The following SH3GLB1 variants were observed in gnomAD, a reference collection of about 807,000 sequenced individuals.
SH3GLB1 encodes SH3 domain containing GRB2 like, endophilin B1.
SH3GLB1 carries 17 observed loss-of-function variants against 42.0 expected under a neutral mutation model. That is an observed-to-expected ratio of 0.40 (90% CI 0.28 to 0.61). The LOEUF is 0.61. Ranked by LOEUF, SH3GLB1 falls within the 20% of genes least tolerant of loss-of-function variation. SH3GLB1 has a pLI of 0.36. For missense variants in SH3GLB1, 355 were observed against 426.3 expected, an observed-to-expected ratio of 0.83 and a Z score of 1.47; for synonymous variants, 132 against 146.6, an observed-to-expected ratio of 0.90 and a Z score of 0.72.
intron 1 of SH3GLB1, among the ~76,000 whole-genome samples, chr1:86,708,549 C>T (rs1334299829): frequency 6.6e-6 from 1 of 152,166 alleles, no homozygotes; most frequent in South Asian, 2.1e-4. Flanking sequence ...CTCCACTTCC[C>T]TCCTTTTAAA....
intron 2 of SH3GLB1, among the ~76,000 whole-genome samples, chr1:86,716,695 A>G (rs1654556938): frequency 6.6e-6 from 1 of 152,230 alleles, no homozygotes; most frequent in Non-Finnish European, 1.5e-5. Flanking sequence ...ATAATTGTTT[A>G]GTGAATGAAA....
At chr1:86,735,018 C>A in intron 6 of SH3GLB1, 61 bp from the exon 7 acceptor site, 1 of 1,248,478 alleles carries the variant, frequency 8.0e-7, no homozygotes, top group Non-Finnish European at 1.2e-6. Context: ...CTGTCTCCCC[C>A]TTGCATTTGC....
rs1170868088 is a variant in SH3GLB1 at position 86,715,663 on chromosome 1, G to A, written c.73-61G>A. The A allele has an allele frequency of 3.3e-6, 5 of 1,501,360 alleles. No homozygotes were observed. In the East Asian group the frequency reaches 1.2e-4, roughly 35 times the overall value. The allele number at this position is 1,501,360 out of a possible 1,614,324, so 93.0% of individuals were successfully genotyped here. A position where few individuals can be genotyped will look rare whatever the true frequency, so the allele number is the denominator to read the frequency against. On this transcript the variant is annotated intron_variant, in intron 1 of 8. Transcript: ENST00000370558. ...GCTTTGAATTTGCTTTTTACTTATTGATATGGTTCCCTAAAATTTATTTGC... is the reference window on the plus strand; with the variant it reads ...GCTTTGAATTTGCTTTTTACTTATTAATATGGTTCCCTAAAATTTATTTGC...
intron 5 of SH3GLB1, among the ~76,000 whole-genome samples, chr1:86,728,862 A>G (rs1655351465): frequency 6.6e-6 from 1 of 152,176 alleles, no homozygotes; most frequent in Non-Finnish European, 1.5e-5. Flanking sequence ...GCTGCTCAGT[A>G]GCTTCAAGAT....
Position 86,704,937 on chromosome 1 carries a change from C to T in SH3GLB1, c.38C>T (p.Ala13Val). Reference protein sequence around the residue: ...IMDFNVKKLAADAGTFLSRAV... With the variant: ...IMDFNVKKLAVDAGTFLSRAV... Reference sequence around the variant, plus strand: ...GACTTCAACGTGAAGAAGCTGGCGGCCGACGCAGGCACCTTCCTCAGTCGC... The same window carrying T: ...GACTTCAACGTGAAGAAGCTGGCGGTCGACGCAGGCACCTTCCTCAGTCGC... Residue 13 changes from alanine (A) to valine (V), a missense_variant, in exon 1 of 9, where the codon GCC becomes GTC. Transcript: ENST00000370558. 1 of 1,585,596 alleles carries T rather than the reference C, an allele frequency of 6.3e-7. No homozygotes were observed. The highest frequency in any genetic ancestry group is 8.6e-7 in the Non-Finnish European group (1 of 1,168,326).
chr1:86,719,791 C>G (rs989949196), intron 3 of SH3GLB1, among the ~76,000 whole-genome samples, 156 bp downstream of exon 3: 1 of 151,640 alleles, frequency 6.6e-6, no homozygotes, highest in Non-Finnish European at 1.5e-5. Flanking sequence ...GTCAGGAGAT[C>G]GAGACTATCC....
At position 86,738,232 on chromosome 1, in the gene SH3GLB1, G is replaced by A. The variant is rs1032294961; in HGVS notation, c.761+3053G>A. ...GTGGTCAGGTCCTGTGGGCCTGTGGGTGTTGTTTGTTTTTTGTTTGTTTGT... is the reference window on the plus strand; with the variant it reads ...GTGGTCAGGTCCTGTGGGCCTGTGGATGTTGTTTGTTTTTTGTTTGTTTGT... On this transcript the variant is annotated intron_variant, in intron 7 of 8. Transcript: ENST00000370558. 4.3e-5 allele frequency among the ~76,000 whole-genome samples: 6 copies of A among 138,394 alleles called. No individual in the cohort carries two copies. In the South Asian group the frequency reaches 1.3e-3, roughly 30 times the overall value. 90.8% of individuals were successfully genotyped at this position (138,394 alleles called of 152,430 possible). A position where few individuals can be genotyped will look rare whatever the true frequency, so the allele number is the denominator to read the frequency against.
intron 2 of SH3GLB1, among the ~76,000 whole-genome samples, chr1:86,716,784 C>T (rs938859334): frequency 3.3e-5 from 5 of 152,170 alleles, no homozygotes; most frequent in African/African-American, 1.2e-4. Context: ...GTATGAACAT[C>T]CAGTCTTTTC....
intron 3 of SH3GLB1, among the ~76,000 whole-genome samples, chr1:86,720,385 T>A (rs1654801771): frequency 6.6e-6 from 1 of 152,230 alleles, no homozygotes. Flanking sequence ...CCAAAAAATA[T>A]TAACAATTGT....
chr1:86,724,978 A>T (rs1655115844), intron 5 of SH3GLB1, among the ~76,000 whole-genome samples: 4 of 145,284 alleles, frequency 2.8e-5, no homozygotes, highest in Admixed American at 2.1e-4. Context: ...TATATATATA[A>T]AATATATATA....
At chr1:86,707,649 T>A (rs1440116461) in intron 1 of SH3GLB1, among the ~76,000 whole-genome samples, 1 of 149,904 alleles carries the variant, frequency 6.7e-6, no homozygotes, top group East Asian at 1.9e-4. Context: ...AGGGTATTTT[T>A]TTTTTTTTTT....
chr1:86,708,446 T>A (rs1654003443), intron 1 of SH3GLB1, among the ~76,000 whole-genome samples: 1 of 152,194 alleles, frequency 6.6e-6, no homozygotes, highest in Non-Finnish European at 1.5e-5. Context: ...TCCATTTTAC[T>A]TAAAAATTTC....
intron 4 of SH3GLB1, among the ~76,000 whole-genome samples, chr1:86,722,910 T>G (rs1322885195): frequency 6.6e-6 from 1 of 152,186 alleles, no homozygotes; most frequent in Non-Finnish European, 1.5e-5. Context: ...TTTCATTCAT[T>G]ACCAACGCTA....
At chr1:86,727,927 A>G (rs997509846) in intron 5 of SH3GLB1, among the ~76,000 whole-genome samples, 1 of 152,028 alleles carries the variant, frequency 6.6e-6, no homozygotes, top group Non-Finnish European at 1.5e-5. Flanking sequence ...ACATGTTTGA[A>G]TTTAAGGTTT....
chr1:86,726,672 G>A (rs74097423), intron 5 of SH3GLB1, among the ~76,000 whole-genome samples: 1 of 151,942 alleles, frequency 6.6e-6, no homozygotes, highest in South Asian at 2.1e-4. Context: ...GATTTTAATT[G>A]TATTTTTCCC....
intron 1 of SH3GLB1, 25 bp downstream of exon 1, chr1:86,704,996 G>A: frequency 1.3e-6 from 2 of 1,513,404 alleles, no homozygotes; most frequent in Non-Finnish European, 1.8e-6. Context: ...GGGGGAAAAG[G>A]GGTGGCGGCG....
chr1:86,735,215 T>C (rs759197523), intron 7 of SH3GLB1, 36 bp downstream of exon 7: 1 of 1,437,586 alleles, frequency 7.0e-7, no homozygotes, highest in Non-Finnish European at 9.8e-7. Flanking sequence ...AGAGGAGAAA[T>C]TCAGATTTTT....
At chr1:86,711,299 A>T (rs956349921) in intron 1 of SH3GLB1, among the ~76,000 whole-genome samples, 9 of 151,918 alleles carry the variant, frequency 5.9e-5, no homozygotes, top group South Asian at 2.1e-4. Flanking sequence ...TTATATGCCT[A>T]TCCTGTAGTA....
chr1:86,724,892 A>AAAAAAAT (rs1291454820), intron 5 of SH3GLB1, among the ~76,000 whole-genome samples: 11 of 99,680 alleles, frequency 1.1e-4, no homozygotes, highest in Admixed American at 4.2e-4. Context: ...AAAAAAAAAA[A>AAAAAAAT]ATATATATAT....
Sources: allele counts gnomAD v4.1 joint callset (sites outside exome capture counted in the v4.1 genomes callset), GRCh38; gene constraint gnomAD v4.1.1; transcripts MANE v1.5; gene names NCBI Gene and HGNC (gene_info 2026-07-23, HGNC 2026-07-21).